Variants in DOCK11 observed in about 807,000 individuals in gnomAD.
DOCK11 encodes dedicator of cytokinesis 11, also known as dedicator of cytokinesis protein 11.
A neutral mutation model predicts 169.1 loss-of-function variants in DOCK11; 70 were observed. The observed-to-expected ratio is 0.41, with a 90% CI of 0.34 to 0.51. DOCK11 has a LOEUF of 0.51. DOCK11 is among the 20% of genes least tolerant of loss of function. The pLI, the probability that DOCK11 is intolerant of heterozygous loss-of-function variation, is 0.10. For missense variants in DOCK11, 1,166 were observed against 1,538.8 expected, an observed-to-expected ratio of 0.76 and a Z score of 4.05; for synonymous variants, 529 against 541.3, an observed-to-expected ratio of 0.98 and a Z score of 0.32.
At position 118,513,695 on chromosome X, in the gene DOCK11, G is replaced by C. The variant is rs181599778; in HGVS notation, c.102+17622G>C. Among the ~76,000 whole-genome samples, 340 of 112,313 alleles carry C rather than the reference G, an allele frequency of 3.0e-3. 1 individual carries two copies. The highest frequency in any genetic ancestry group is 5.2e-3 in the Non-Finnish European group (275 of 53,234). On this transcript the variant is annotated intron_variant, in intron 1 of 52. Transcript: ENST00000276202. ...GTTTATGTCACTGTTTTTTTCTGCT[G>C]GGTTTAATTGGGAAAGAGTGGCCTT...
At position 118,628,214 on chromosome X, in the gene DOCK11, G is replaced by A. The variant is rs775524798; in HGVS notation, c.3716G>A (p.Gly1239Asp). The A allele has an allele frequency of 1.7e-6, 2 of 1,207,021 alleles. No homozygotes were observed. Among genetic ancestry groups the A allele is most frequent in the Admixed American group, 4.4e-5 (2 of 45,579 alleles). Residue 1239 changes from glycine to aspartate, a missense_variant, in exon 34 of 53, where the codon GGT (glycine) becomes GAT (aspartate). Gly to Asp is a moderately conservative substitution (Grantham distance 94). Coordinates refer to ENST00000276202, the MANE Select transcript of DOCK11 (RefSeq NM_144658.4). ...GGAATTAAGAGAGAAGATTCAAGAG[G>A]TTCCCTCATCCCAGAAGGAGCAACA... ...GHGIKREDSR[G>D]SLIPEGATGF...
At chrX:118,635,772 G>A (rs959831981) in intron 35 of DOCK11, among the ~76,000 whole-genome samples, 1 of 111,029 alleles carries the variant, frequency 9.0e-6, no homozygotes, top group African/African-American at 3.3e-5. Context: ...ATTTTTAGTA[G>A]AGAAGGGGTT....
intron 38 of DOCK11, 45 bp downstream of exon 38, chrX:118,639,622 T>A (rs2015479522): frequency 8.6e-7 from 1 of 1,156,497 alleles, no homozygotes; most frequent in Admixed American, 2.4e-5. Context: ...CTTAAAGAAG[T>A]CCTGGTTTAA....
At chrX:118,616,097 T>A (rs1282858073) in intron 30 of DOCK11, 1 of 428,825 alleles carries the variant, frequency 2.3e-6, no homozygotes. Context: ...ATGAAATGCC[T>A]TCAGTTATCT....
Position 118,542,823 on chromosome X carries a change from C to T in DOCK11, c.201C>T (p.Phe67=), listed in dbSNP as rs2012076382. ...YSDPLRDLLM[F]PMEDISISVI... ...ACCCCCTCCGAGATCTGCTTATGTTCCCAATGGAAGATATATCTGTGAGTT... is the reference window on the plus strand; with the variant it reads ...ACCCCCTCCGAGATCTGCTTATGTTTCCAATGGAAGATATATCTGTGAGTT... The change falls in exon 2 of 53, where the codon TTC becomes TTT. Residue 67 remains phenylalanine (F), a synonymous_variant. Transcript: ENST00000276202. 1.7e-6 allele frequency: 2 copies of T among 1,205,815 alleles called. No homozygotes were observed. The highest frequency in any genetic ancestry group is 5.9e-5 in the East Asian group (2 of 33,787).
intron 45 of DOCK11, among the ~76,000 whole-genome samples, chrX:118,670,072 ACAACTT>A (rs900531299): frequency 2.7e-5 from 3 of 112,136 alleles, no homozygotes; most frequent in African/African-American, 9.7e-5. Flanking sequence ...ACTTGGGGTT[ACAACTT>A]CAACTTATCT....
In DOCK11 at chrX:118,555,511, C is replaced by T. The variant is rs374754945; in HGVS notation, c.559-5872C>T. ...GGCTGAGGTTGCAGTGAGCTGAGAT[C>T]GTGCCACTGCACTCCACCCTGGGCG... On this transcript the variant is annotated intron_variant, in intron 6 of 52. Coordinates refer to ENST00000276202, the MANE Select transcript of DOCK11 (RefSeq NM_144658.4). Among the ~76,000 whole-genome samples the T allele has an allele frequency of 5.5e-5, 6 of 108,917 alleles. No homozygotes were observed. The East Asian group carries it at 8.7e-4, about 16-fold the overall frequency. The allele number at this position is 108,917 out of a possible 115,157, so 94.6% of individuals were successfully genotyped here.
intron 23 of DOCK11, among the ~76,000 whole-genome samples, chrX:118,604,853 C>T (rs183001335): frequency 9.0e-6 from 1 of 111,166 alleles, no homozygotes; most frequent in East Asian, 2.8e-4. Flanking sequence ...TGCCCACATT[C>T]CCCTGCAGAA....
At chrX:118,647,635 TAATATATTATA>T (rs1184804461) in intron 40 of DOCK11, among the ~76,000 whole-genome samples, 1 of 62,792 alleles carries the variant, frequency 1.6e-5, no homozygotes, top group Non-Finnish European at 2.7e-5. Context: ...TATTATATGT[TAATATATTATA>T]TGTTTATATA....
intron 37 of DOCK11, 30 bp from the exon 38 acceptor site, chrX:118,639,405 T>G: frequency 8.3e-7 from 1 of 1,202,725 alleles, no homozygotes; most frequent in Non-Finnish European, 1.1e-6. Context: ...ATTAGAGCAC[T>G]CCAGTTCCTG....
rs145267403 is a variant in DOCK11 at position 118,548,424 on chromosome X, A to C, written c.558+2308A>C. ...GTCCCCTACATGGCAAAGAGGAATT[A>C]AAATTACTAATCGGCAGGAGGGACG... On this transcript the variant is annotated intron_variant, in intron 6 of 52. Transcript: ENST00000276202. Among the ~76,000 whole-genome samples the C allele has an allele frequency of 3.6e-3, 401 of 112,183 alleles. 9 individuals carry two copies. Among genetic ancestry groups the C allele is most frequent in the East Asian group, 0.033 (119 of 3,576 alleles).
intron 52 of DOCK11, among the ~76,000 whole-genome samples, chrX:118,683,608 A>G (rs2016791316): frequency 8.9e-6 from 1 of 112,229 alleles, no homozygotes; most frequent in Non-Finnish European, 1.9e-5. Context: ...TGACAATTGC[A>G]CATGCTATTT....
At chrX:118,560,277 C>T (rs928566136) in intron 6 of DOCK11, among the ~76,000 whole-genome samples, 5 of 111,386 alleles carry the variant, frequency 4.5e-5, no homozygotes, top group African/African-American at 1.3e-4. Context: ...CTTTGCCAGA[C>T]GTTAAGTTGT....
intron 1 of DOCK11, among the ~76,000 whole-genome samples, chrX:118,506,770 T>C (rs4625202): frequency 0.26 from 28,718 of 111,773 alleles, 3,026 homozygotes; most frequent in Middle Eastern, 0.4. Flanking sequence ...GGTTTTGTGG[T>C]AGCAGGATAA....
chrX:118,625,354 A>G (rs781449420), intron 32 of DOCK11, among the ~76,000 whole-genome samples: 3 of 110,220 alleles, frequency 2.7e-5, no homozygotes, highest in Non-Finnish European at 5.7e-5. Context: ...ACGGTGTTTC[A>G]CCATGTTAGC....
At chrX:118,650,954 A>C (rs1346604945) in intron 41 of DOCK11, among the ~76,000 whole-genome samples, 1 of 111,956 alleles carries the variant, frequency 8.9e-6, no homozygotes. Context: ...AGAAAGGTTA[A>C]ATAGCTTTTC....
At chrX:118,502,330 G>A (rs1333454622) in intron 1 of DOCK11, among the ~76,000 whole-genome samples, 3 of 112,027 alleles carry the variant, frequency 2.7e-5, no homozygotes, top group African/African-American at 9.7e-5. Context: ...GGAGCCACAC[G>A]TTTGCTTCCT....
chrX:118,622,953 C>T (rs922386214), intron 31 of DOCK11, among the ~76,000 whole-genome samples: 16 of 112,269 alleles, frequency 1.4e-4, no homozygotes, highest in Non-Finnish European at 3.0e-4. Flanking sequence ...CGGTGGCTCA[C>T]GCCTGTAATC....
rs1569440702 is a variant in DOCK11 at position 118,647,787 on chromosome X, ATATATTATAATATATAATAATATATAT to A, written c.4399-1149_4399-1123del. On this transcript the variant is annotated intron_variant, in intron 40 of 52. Transcript: ENST00000276202. The stretch of plus-strand genomic sequence containing the variant: ...ATATTATAATATATAATAATATATA[ATATATTATAATATATAATAATATATAT>A]TATATTATTATAATATAATATTTAA... 8.4e-3 allele frequency among the ~76,000 whole-genome samples: 234 copies of A among 27,999 alleles called. 5 individuals carry two copies. The highest frequency in any genetic ancestry group is 0.053 in the African/African-American group (219 of 4,136). The allele number at this position is 27,999 out of a possible 115,157, so 24.3% of individuals were successfully genotyped here. A position where few individuals can be genotyped will look rare whatever the true frequency, so the allele number is the denominator to read the frequency against.
Sources: gnomAD v4.1 joint callset for allele counts (sites outside exome capture counted in the v4.1 genomes callset) on GRCh38, gnomAD v4.1.1 for gene constraint, MANE v1.5 for transcripts, NCBI Gene and HGNC (gene_info 2026-07-23, HGNC 2026-07-21) for gene names.